The following ECM2 variants were observed in gnomAD, a reference collection of about 807,000 sequenced individuals.
The protein encoded by ECM2 is extracellular matrix protein 2, female organ and adipocyte specific.
Under a neutral mutation model 67.5 loss-of-function variants are expected in ECM2, and 57 were observed. The observed-to-expected ratio is 0.84, with a 90% CI of 0.68 to 1.05. The LOEUF (loss-of-function observed/expected upper bound fraction) is 1.05. Ranked by LOEUF, ECM2 falls within the 50% of genes least tolerant of loss-of-function variation. The pLI, the probability that ECM2 is intolerant of heterozygous loss-of-function variation, is 0.00. For missense variants in ECM2, 741 were observed against 822.8 expected (o/e 0.90, Z 1.22); for synonymous variants, 258 against 294.5 (o/e 0.88, Z 1.27).
Position 92,496,232 on chromosome 9 carries a change from G to T in ECM2, c.*83C>A. On this transcript the variant is annotated 3_prime_UTR_variant, in exon 10 of 10. Transcript: ENST00000344604. ...ATAATGATACTGAGTATAACAGGAG[G>T]ATTATGTCTCTCTTATTAATGACAA... 6.7e-7 allele frequency: 1 copy of T among 1,495,580 alleles called. No homozygotes were observed. The highest frequency in any genetic ancestry group is 8.8e-7 in the Non-Finnish European group (1 of 1,134,264). 92.6% of individuals were successfully genotyped at this position (1,495,580 alleles called of 1,614,324 possible). A position where few individuals can be genotyped will look rare whatever the true frequency, so the allele number is the denominator to read the frequency against.
In ECM2 at chr9:92,523,558, C is replaced by T. The variant is rs142547597; in HGVS notation, c.-27-665G>A. 1.4e-4 allele frequency among the ~76,000 whole-genome samples: 21 copies of T among 152,270 alleles called. No individual in the cohort carries two copies. In the East Asian group the frequency reaches 3.7e-3, roughly 27 times the overall value. On this transcript the variant is annotated intron_variant, in intron 1 of 9. Transcript: ENST00000344604. Reference sequence around the variant, plus strand: ...AAGGCCCAGAGTTCTGGTCTCCACACGATTTATTGAGTACAATCACTTAGA... The same window carrying T: ...AAGGCCCAGAGTTCTGGTCTCCACATGATTTATTGAGTACAATCACTTAGA...
At chr9:92,525,410 C>G (rs1238304627) in intron 1 of ECM2, among the ~76,000 whole-genome samples, 4 of 152,140 alleles carry the variant, frequency 2.6e-5, no homozygotes, top group Non-Finnish European at 5.9e-5. Context: ...AAAGTACAGT[C>G]ATGTACCACA....
intron 1 of ECM2, among the ~76,000 whole-genome samples, chr9:92,529,346 C>T (rs1333360149): frequency 6.6e-6 from 1 of 152,160 alleles, no homozygotes; most frequent in Non-Finnish European, 1.5e-5. Flanking sequence ...AAGTCTCATT[C>T]GGTGCTGGTG....
intron 1 of ECM2, among the ~76,000 whole-genome samples, chr9:92,535,714 A>AT (rs1849128210): frequency 6.6e-6 from 1 of 152,146 alleles, no homozygotes; most frequent in Admixed American, 6.5e-5. Flanking sequence ...AATTCCACCT[A>AT]AACATATAAA....
chr9:92,498,105 G>A (rs752430728), intron 9 of ECM2, among the ~76,000 whole-genome samples: 1 of 152,220 alleles, frequency 6.6e-6, no homozygotes, highest in South Asian at 2.1e-4. Flanking sequence ...TTACTTTATA[G>A]CATCAGAATT....
At chr9:92,533,316 AAAAAAAAAAAAAATATATAT>A (rs1202785731) in intron 1 of ECM2, among the ~76,000 whole-genome samples, 1 of 97,178 alleles carries the variant, frequency 1.0e-5, no homozygotes, top group Admixed American at 1.1e-4. Context: ...AAAAAAAAAA[AAAAAAAAAAAAAATATATAT>A]ATATATATAT....
downstream of ECM2, among the ~76,000 whole-genome samples, chr9:92,495,073 A>G (rs568884389): frequency 1.3e-5 from 2 of 152,322 alleles, no homozygotes; most frequent in South Asian, 2.1e-4. Context: ...AAAATGCTTT[A>G]CATTCTTTTC....
rs569282022 is a variant in ECM2, at chr9:92,535,768, G to A, written c.-28+165C>T. Among the ~76,000 whole-genome samples, 8 of 152,038 alleles carry A rather than the reference G, an allele frequency of 5.3e-5. No individual in the cohort carries two copies. In the East Asian group the frequency reaches 1.5e-3, roughly 29 times the overall value. ...ATACAAGGTCTGAAATACTTGGGAA[G>A]TACATCGTGAAAAAAACAAACAGAA... On this transcript the variant is annotated intron_variant, in intron 1 of 9. Transcript: ENST00000344604.
At chr9:92,551,948 T>TG in the ECM2 span, among the ~76,000 whole-genome samples, 42 of 127,684 alleles carry the variant, frequency 3.3e-4, 7 homozygotes, top group African/African-American at 1.3e-3. Context: ...TATATATATA[T>TG]ATATGATATA....
the ECM2 span, among the ~76,000 whole-genome samples, chr9:92,544,981 T>A: frequency 1.1e-4 from 16 of 152,130 alleles, no homozygotes; most frequent in Admixed American, 1.0e-3. Flanking sequence ...CTCAGCCCGC[T>A]CCAGAGTGCT....
At chr9:92,505,486 T>C (rs1846945188) in intron 7 of ECM2, 47 bp downstream of exon 7, 1 of 1,461,286 alleles carries the variant, frequency 6.8e-7, no homozygotes, top group Non-Finnish European at 9.3e-7. Flanking sequence ...TAGTGTACCA[T>C]ATTTCAAATA....
chr9:92,498,998 G>A (rs1244225498), intron 9 of ECM2, among the ~76,000 whole-genome samples: 2 of 152,166 alleles, frequency 1.3e-5, no homozygotes, highest in Non-Finnish European at 2.9e-5. Context: ...ACCACGTCTC[G>A]TTCCCACTTG....
At chr9:92,521,677 A>G (rs922991194) in intron 2 of ECM2, among the ~76,000 whole-genome samples, 2 of 152,200 alleles carry the variant, frequency 1.3e-5, no homozygotes, top group East Asian at 3.8e-4. Context: ...AAAAATGCCT[A>G]ATTGAAATCT....
intron 1 of ECM2, among the ~76,000 whole-genome samples, chr9:92,535,077 G>A (rs771969310): frequency 4.6e-5 from 7 of 151,974 alleles, no homozygotes; most frequent in Non-Finnish European, 8.8e-5. Context: ...TCCTCATTCT[G>A]GAAACTACCT....
rs781597574 is a variant in ECM2 at position 92,514,668 on chromosome 9, C to G, written c.1017G>C (p.Pro339=). 6.2e-7 allele frequency: 1 copy of G among 1,602,594 alleles called. No individual in the cohort carries two copies. Among genetic ancestry groups the G allele is most frequent in the Non-Finnish European group, 8.5e-7 (1 of 1,172,868 alleles). Residue 339 remains proline, a synonymous_variant, in exon 4 of 10, where the codon CCG becomes CCC. Transcript: ENST00000344604. ...CINAMLTQIP[P]LTAPQITSLE... is the part of the protein sequence containing the mutation. Reference sequence around the variant, plus strand: ...GACTTGTTATCTGTGGTGCTGTCAGCGGTGGTATCTGGGTAAGCATGGCGT... The same window carrying G: ...GACTTGTTATCTGTGGTGCTGTCAGGGGTGGTATCTGGGTAAGCATGGCGT...
downstream of ECM2, among the ~76,000 whole-genome samples, chr9:92,494,940 A>G (rs1564352219): frequency 6.6e-6 from 1 of 152,162 alleles, no homozygotes; most frequent in African/African-American, 2.4e-5. Context: ...GGAATAAGTC[A>G]AACTTTTCAC....
intron 3 of ECM2, among the ~76,000 whole-genome samples, chr9:92,516,036 C>G (rs997479544): frequency 2.0e-5 from 3 of 150,984 alleles, no homozygotes; most frequent in Non-Finnish European, 4.4e-5. Context: ...GTAAACAGTT[C>G]TAGGAAGAAC....
At chr9:92,536,867 A>AT (rs1849187656), upstream of ECM2, among the ~76,000 whole-genome samples, 1 of 106,526 alleles carries the variant, frequency 9.4e-6, no homozygotes, top group Non-Finnish European at 1.9e-5. Context: ...ACTATTTTTT[A>AT]AATTTTTTTT....
intron 8 of ECM2, 41 bp from the exon 9 acceptor site, chr9:92,501,094 A>G (rs1298539124): frequency 1.3e-6 from 2 of 1,579,812 alleles, no homozygotes; most frequent in Non-Finnish European, 1.7e-6. Flanking sequence ...GGACATCAGG[A>G]TGGTGATCAT....
Sources: allele counts gnomAD v4.1 joint callset (sites outside exome capture counted in the v4.1 genomes callset), GRCh38; gene constraint gnomAD v4.1.1; transcripts MANE v1.5; gene names NCBI Gene and HGNC (gene_info 2026-07-23, HGNC 2026-07-21).